The following DCTN3 variants were observed in gnomAD, a reference collection of about 807,000 sequenced individuals.
The protein encoded by DCTN3 is dynactin 3 (p22).
In DCTN3, 25 loss-of-function variants were observed where a neutral mutation model predicts 28.4. The ratio of observed to expected loss-of-function variants is 0.88; its 90% CI spans 0.64 to 1.23. The LOEUF (loss-of-function observed/expected upper bound fraction) is 1.23. Ranked by LOEUF, DCTN3 falls within the 50% of genes most tolerant of loss-of-function variation. DCTN3 has a pLI of 0.00. For synonymous variants in DCTN3, 81 were observed against 91.4 expected (o/e 0.89, Z 0.65); for missense variants, 229 against 232.0 (o/e 0.99, Z 0.08).
Position 34,613,565 on chromosome 9 carries a change from T to A in DCTN3, c.*217A>T, listed in dbSNP as rs1220608277. ...CACTCCTCCAGTCATCTCTATGGTT[T>A]ATTGTCACTGAAATAAGAACACTGA... On this transcript the variant is annotated 3_prime_UTR_variant, in exon 7 of 7. Coordinates refer to ENST00000259632, the MANE Select transcript of DCTN3 (RefSeq NM_007234.5). 2 of 451,544 alleles carry A rather than the reference T, an allele frequency of 4.4e-6. No homozygotes were observed. Among genetic ancestry groups the A allele is most frequent in the East Asian group, 5.2e-5 (1 of 19,216 alleles). The allele number at this position is 451,544 out of a possible 1,614,324, so 28.0% of individuals were successfully genotyped here.
Position 34,617,868 on chromosome 9 carries a change from A to T in DCTN3, c.268+17T>A. The stretch of plus-strand genomic sequence containing the variant: ...CCCACATCCTCAGATGCATGTACAC[A>T]TGTAGTCCAGCATTACCTGCTAGGA... On this transcript the variant is annotated intron_variant, in intron 3 of 6. Transcript: ENST00000259632. The T allele has an allele frequency of 6.2e-7, 1 of 1,613,566 alleles. No homozygotes were observed. The highest frequency in any genetic ancestry group is 1.1e-5 in the South Asian group (1 of 91,032).
At chr9:34,618,650 G>A in intron 2 of DCTN3, 26 bp downstream of exon 2, 2 of 1,590,320 alleles carry the variant, frequency 1.3e-6, no homozygotes, top group Middle Eastern at 1.7e-4. Flanking sequence ...ATGTCGGGCA[G>A]GCAGGCACAT....
At chr9:34,615,867 C>CATG in intron 4 of DCTN3, 163 bp downstream of exon 4, 1 of 527,258 alleles carries the variant, frequency 1.9e-6, no homozygotes, top group East Asian at 3.3e-5. Flanking sequence ...TGCCACTGCA[C>CATG]TCCAGCCTGG....
intron 4 of DCTN3, 75 bp downstream of exon 4, chr9:34,615,955 A>G (rs143903559): frequency 7.8e-7 from 1 of 1,274,886 alleles, no homozygotes; most frequent in African/African-American, 1.5e-5. Context: ...ACAACCTGAA[A>G]CACAGGAAAG....
intron 2 of DCTN3, among the ~76,000 whole-genome samples, 187 bp from the exon 3 acceptor site, chr9:34,618,158 C>T (rs999015514): frequency 6.6e-6 from 1 of 152,172 alleles, no homozygotes; most frequent in African/African-American, 2.4e-5. Context: ...ACTCTCTTCT[C>T]TTGAAGTCTC....
At chr9:34,618,315 T>TA (rs1341498011) in intron 2 of DCTN3, among the ~76,000 whole-genome samples, 1 of 152,166 alleles carries the variant, frequency 6.6e-6, no homozygotes, top group African/African-American at 2.4e-5. Flanking sequence ...GTCTAATTTC[T>TA]AGTTACTAAG....
chr9:34,617,780 A>G (rs1378136956), intron 3 of DCTN3, 105 bp downstream of exon 3: 4 of 1,553,316 alleles, frequency 2.6e-6, no homozygotes, highest in South Asian at 1.2e-5. Context: ...AGCAGCATCC[A>G]GGGCTTGTAT....
rs1429237302 is a variant in DCTN3, at chr9:34,613,671, G to A, written c.*111C>T. 1 of 1,431,318 alleles carries A rather than the reference G, an allele frequency of 7.0e-7. No individual in the cohort carries two copies. Among genetic ancestry groups the A allele is most frequent in the Admixed American group, 2.2e-5 (1 of 46,096 alleles). The allele number at this position is 1,431,318 out of a possible 1,614,324, so 88.7% of individuals were successfully genotyped here. On this transcript the variant is annotated 3_prime_UTR_variant, in exon 7 of 7. Coordinates refer to ENST00000259632, the MANE Select transcript of DCTN3 (RefSeq NM_007234.5). Reference sequence around the variant, plus strand: ...TTTAGAGCCCAGAGTACAGAGAGGTGGGCCTTGAAGCCAATAAATACAAAG... The same window carrying A: ...TTTAGAGCCCAGAGTACAGAGAGGTAGGCCTTGAAGCCAATAAATACAAAG...
Position 34,617,171 on chromosome 9 carries a change from C to T in DCTN3, c.268+714G>A, listed in dbSNP as rs77504698. Among the ~76,000 whole-genome samples, 669 of 152,240 alleles carry T rather than the reference C, an allele frequency of 4.4e-3. 7 individuals are homozygous for T. Among genetic ancestry groups the T allele is most frequent in the African/African-American group, 0.015 (641 of 41,528 alleles). ...TTTTAGCAGGAGTGGCCCATCCTTACCCAGTCCTCAGTGCTGCATTGCACT... is the reference window on the plus strand; with the variant it reads ...TTTTAGCAGGAGTGGCCCATCCTTATCCAGTCCTCAGTGCTGCATTGCACT... On this transcript the variant is annotated intron_variant, in intron 3 of 6. Transcript: ENST00000259632.
In DCTN3 at chr9:34,616,448, A is replaced by C; in HGVS notation, c.269-335T>G. The C allele has an allele frequency of 4.8e-6, 1 of 209,322 alleles. No individual in the cohort carries two copies. The highest frequency in any genetic ancestry group is 7.5e-5 in the South Asian group (1 of 13,346). 13.0% of individuals were successfully genotyped at this position (209,322 alleles called of 1,614,324 possible). A position where few individuals can be genotyped will look rare whatever the true frequency, so the allele number is the denominator to read the frequency against. On this transcript the variant is annotated intron_variant, in intron 3 of 6. Coordinates refer to ENST00000259632, the MANE Select transcript of DCTN3 (RefSeq NM_007234.5). The surrounding 1 kb of genome is among the most constrained non-coding windows in gnomAD (Gnocchi z 4.7). Reference sequence around the variant, plus strand: ...GGCCACAAAATACAAAATACTTCAGACTTGGATCCCCACACCCAAGGGTCC... The same window carrying C: ...GGCCACAAAATACAAAATACTTCAGCCTTGGATCCCCACACCCAAGGGTCC...
chr9:34,614,343 T>C, intron 5 of DCTN3: 1 of 775,288 alleles, frequency 1.3e-6, no homozygotes, highest in Non-Finnish European at 2.0e-6. Context: ...TTCCCCCTAG[T>C]GTATGTCTCT....
At position 34,616,389 on chromosome 9, in the gene DCTN3, GCCT is replaced by G. The variant is rs1167163162; in HGVS notation, c.269-279_269-277del. 3 of 300,732 alleles carry G rather than the reference GCCT, an allele frequency of 1.0e-5. No homozygotes were observed. Among genetic ancestry groups the G allele is most frequent in the Non-Finnish European group, 1.9e-5 (3 of 158,184 alleles). 18.6% of individuals were successfully genotyped at this position (300,732 alleles called of 1,614,324 possible). ...TTTAACTTCAAGACCTCTTCTTCTA[GCCT>G]CCTATCAACAAACTCAGGGAGCACC... On this transcript the variant is annotated intron_variant, in intron 3 of 6. Coordinates refer to ENST00000259632, the MANE Select transcript of DCTN3 (RefSeq NM_007234.5). The surrounding 1 kb of genome is among the most constrained non-coding windows in gnomAD (Gnocchi z 4.7).
chr9:34,617,535 C>A, intron 3 of DCTN3: 1 of 740,692 alleles, frequency 1.4e-6, no homozygotes. Flanking sequence ...TCTCTCTGTT[C>A]TTTAATGGCA....
intron 1 of DCTN3, among the ~76,000 whole-genome samples, 198 bp from the exon 2 acceptor site, chr9:34,618,958 T>C (rs548403576): frequency 1.3e-5 from 2 of 152,300 alleles, no homozygotes; most frequent in African/African-American, 4.8e-5. Flanking sequence ...ATGTACTCCT[T>C]GGGGAGTTTC....
At chr9:34,620,332 C>A in intron 1 of DCTN3, 37 bp downstream of exon 1, 1 of 1,595,074 alleles carries the variant, frequency 6.3e-7, no homozygotes, top group South Asian at 1.1e-5. Context: ...CGCTCTTGCT[C>A]TGCTCCAGAA....
Position 34,613,554 on chromosome 9 carries a change from T to C in DCTN3, c.*228A>G, listed in dbSNP as rs1463513033. 1 of 424,548 alleles carries C rather than the reference T, an allele frequency of 2.4e-6. No individual in the cohort carries two copies. The highest frequency in any genetic ancestry group is 2.0e-5 in the African/African-American group (1 of 48,824). The allele number at this position is 424,548 out of a possible 1,614,324, so 26.3% of individuals were successfully genotyped here. On this transcript the variant is annotated 3_prime_UTR_variant, in exon 7 of 7. Coordinates refer to ENST00000259632, the MANE Select transcript of DCTN3 (RefSeq NM_007234.5). ...AGAAGCCAGCACACTCCTCCAGTCA[T>C]CTCTATGGTTTATTGTCACTGAAAT...
chr9:34,618,645 G>A (rs745606027), intron 2 of DCTN3, 31 bp downstream of exon 2: 12 of 1,571,040 alleles, frequency 7.6e-6, no homozygotes, highest in South Asian at 2.2e-5. Context: ...GTGGGATGTC[G>A]GGCAGGCAGG....
At chr9:34,614,278 C>T (rs990266667) in intron 5 of DCTN3, 177 bp from the exon 6 acceptor site, 3 of 1,459,538 alleles carry the variant, frequency 2.1e-6, no homozygotes, top group Non-Finnish European at 1.8e-6. Context: ...GATGGGTGCC[C>T]TAACAGCAGT....
rs928915616 is a variant in DCTN3 at position 34,614,604 on chromosome 9, T to C, written c.411+106A>G. 12 of 1,324,368 alleles carry C rather than the reference T, an allele frequency of 9.1e-6. No homozygotes were observed. In the Admixed American group the frequency reaches 1.2e-4, roughly 14 times the overall value. 82.0% of individuals were successfully genotyped at this position (1,324,368 alleles called of 1,614,324 possible). On this transcript the variant is annotated intron_variant, in intron 5 of 6. Transcript: ENST00000259632. ...AAAGGATAAACCCCAAAGTTTCTGC[T>C]GAGGTTACAACAGAAAGGCCTGAAG... is the stretch of plus-strand genomic sequence containing the variant.
Sources: allele counts gnomAD v4.1 joint callset (sites outside exome capture counted in the v4.1 genomes callset), GRCh38; gene constraint gnomAD v4.1.1; non-coding constraint Gnocchi (gnomAD v3.1); transcripts MANE v1.5; gene names NCBI Gene and HGNC (gene_info 2026-07-23, HGNC 2026-07-21).